The following HSPD1 variants were observed in gnomAD, a reference collection of about 807,000 sequenced individuals.
HSPD1 encodes the protein 60 kDa heat shock protein, mitochondrial.
HSPD1 carries 3 observed loss-of-function variants against 53.0 expected under a neutral mutation model. That is an observed-to-expected ratio of 0.06 (90% CI 0.03 to 0.15). HSPD1 has a LOEUF of 0.15. HSPD1 is among the 10% of genes least tolerant of loss of function. HSPD1 has a pLI of 1.00. For missense variants in HSPD1, 431 were observed against 694.1 expected (o/e 0.62, Z 4.26); for synonymous variants, 200 against 228.0 (o/e 0.88, Z 1.10).
chr2:197,487,878 CT>C lies in HSPD1; in HGVS notation c.1548del (p.Gly517GlufsTer9). Reference protein sequence around the residue: ...MAGDFVNMVEKGIIDPTKVVR... With the variant: ...MAGDFVNMVEXGIIDPTKVVR... ...TTTACCTTTGTTGGGTCAATGATTC[CT>C]TTTTCCACCATATTCACAAAATCTC... On this transcript the variant is annotated frameshift_variant, in exon 11 of 12. Transcript: ENST00000388968. LOFTEE classifies it high-confidence loss of function. 1 of 1,613,582 alleles carries C rather than the reference CT, an allele frequency of 6.2e-7. No homozygotes were observed. The highest frequency in any genetic ancestry group is 8.5e-7 in the Non-Finnish European group (1 of 1,179,598).
At chr2:197,491,309 C>T (rs1197925464) in intron 7 of HSPD1, among the ~76,000 whole-genome samples, 5 of 151,536 alleles carry the variant, frequency 3.3e-5, no homozygotes, top group South Asian at 4.2e-4. Context: ...TGCCTCAGCC[C>T]GCCACCACGC....
intron 7 of HSPD1, 43 bp from the exon 8 acceptor site, chr2:197,490,339 T>C: frequency 7.0e-7 from 1 of 1,426,566 alleles, no homozygotes; most frequent in Non-Finnish European, 9.9e-7. Flanking sequence ...GAAATAAAAA[T>C]GCCTATCTGT....
At chr2:197,496,869 C>A in intron 3 of HSPD1, 1 of 450,518 alleles carries the variant, frequency 2.2e-6, no homozygotes, top group Non-Finnish European at 4.1e-6. Flanking sequence ...CCAGGAGTTC[C>A]AGTGCAGTCC....
intron 1 of HSPD1, chr2:197,499,208 A>G: frequency 2.7e-6 from 1 of 376,948 alleles, no homozygotes; most frequent in Middle Eastern, 8.8e-4. Flanking sequence ...TCAGCCGGAG[A>G]GAGGCAAGTT....
At position 197,498,974 on chromosome 2, in the gene HSPD1, A is replaced by T. The variant is rs2086199155; in HGVS notation, c.-2-124T>A. On this transcript the variant is annotated intron_variant, in intron 1 of 11. Transcript: ENST00000388968. Reference sequence around the variant, plus strand: ...TGAGCCTGGCTGACCTCCGCCAGCCACTACGCCTGAATGACGGAAGGCGCC... The same window carrying T: ...TGAGCCTGGCTGACCTCCGCCAGCCTCTACGCCTGAATGACGGAAGGCGCC... The T allele has an allele frequency of 8.0e-6, 7 of 872,926 alleles. No individual in the cohort carries two copies. The South Asian group carries it at 1.0e-4, about 12-fold the overall frequency. The allele number at this position is 872,926 out of a possible 1,614,324, so 54.1% of individuals were successfully genotyped here.
Position 197,490,209 on chromosome 2 carries a change from A to C in HSPD1, c.957T>G (p.Ala319=). The C allele has an allele frequency of 6.2e-7, 1 of 1,609,450 alleles. No homozygotes were observed. Among genetic ancestry groups the C allele is most frequent in the Non-Finnish European group, 8.5e-7 (1 of 1,175,902 alleles). The change falls in exon 8 of 12, where the codon GCT becomes GCG. Residue 319 remains alanine, a synonymous_variant. Coordinates refer to ENST00000388968, the MANE Select transcript of HSPD1 (RefSeq NM_002156.5). ...TTATTTTACTTACTGCACCACCAGT[A>C]GCAATAGCCATATCTTTAAGCTGGT... ...RKNQLKDMAI[A]TGGAVFGEEG...
Position 197,493,424 on chromosome 2 carries a change from T to G in HSPD1, c.769A>C (p.Ile257Leu). Residue 257 changes from isoleucine (I) to leucine (L), a missense_variant, in exon 7 of 12, where the codon ATT becomes CTT. By Grantham distance (5) the Ile-to-Leu change is conservative. Around this residue, in one of 2 missense-constraint regions of HSPD1, gnomAD observed 386 missense variants for 657.6 expected, o/e 0.59. Coordinates refer to ENST00000388968, the MANE Select transcript of HSPD1 (RefSeq NM_002156.5). ...SEKKISSIQS[I>L]VPALEIANAH... ...TTGGCAATTTCAAGAGCAGGTACAA[T>G]GGACTGGATACTAGAAATTTTCTTT... 6.2e-7 allele frequency: 1 copy of G among 1,613,126 alleles called. No individual in the cohort carries two copies. Among genetic ancestry groups the G allele is most frequent in the South Asian group, 1.1e-5 (1 of 91,060 alleles).
intron 4 of HSPD1, 109 bp from the exon 5 acceptor site, chr2:197,494,861 G>A: frequency 1.3e-6 from 1 of 765,346 alleles, no homozygotes; most frequent in South Asian, 1.4e-5. Flanking sequence ...ATCCAGGGGA[G>A]AGAAGGGGAA....
chr2:197,499,007 C>T, intron 1 of HSPD1, 157 bp from the exon 2 acceptor site: 1 of 739,246 alleles, frequency 1.4e-6, no homozygotes, highest in Non-Finnish European at 2.4e-6. Flanking sequence ...GCCGCAGCTT[C>T]GGAACATCAG....
At chr2:197,494,570 G>T in intron 5 of HSPD1, 87 bp downstream of exon 5, 1 of 954,990 alleles carries the variant, frequency 1.0e-6, no homozygotes, top group Non-Finnish European at 1.7e-6. Context: ...TTTTCTGTTT[G>T]AAAAATTCAG....
intron 7 of HSPD1, among the ~76,000 whole-genome samples, chr2:197,491,166 TG>T (rs1177892036): frequency 5.9e-5 from 9 of 151,526 alleles, no homozygotes; most frequent in Non-Finnish European, 1.3e-4. Flanking sequence ...TGTTTTTTTC[TG>T]GCCTCAAGTC....
Position 197,497,120 on chromosome 2 carries a change from G to A in HSPD1, c.427+20C>T. 1 of 1,612,856 alleles carries A rather than the reference G, an allele frequency of 6.2e-7. No individual in the cohort carries two copies. Among genetic ancestry groups the A allele is most frequent in the Non-Finnish European group, 8.5e-7 (1 of 1,178,824 alleles). On this transcript the variant is annotated intron_variant, in intron 3 of 11. Coordinates refer to ENST00000388968, the MANE Select transcript of HSPD1 (RefSeq NM_002156.5). ...GCACACTGAAGTTTAGAACACTGTG[G>A]TGACAACAGACATTCCTACCTCTCC...
chr2:197,487,885 C>T lies in HSPD1; in HGVS notation c.1542G>A (p.Val514=), dbSNP rs774106420. Residue 514 remains valine (V), a synonymous_variant, in exon 11 of 12, where the codon GTG becomes GTA. Transcript: ENST00000388968. The stretch of plus-strand genomic sequence containing the variant: ...TTGTTGGGTCAATGATTCCTTTTTC[C>T]ACCATATTCACAAAATCTCCAGCCA... ...DAMAGDFVNM[V]EKGIIDPTKV... 4 of 1,613,520 alleles carry T rather than the reference C, an allele frequency of 2.5e-6. No homozygotes were observed. The highest frequency in any genetic ancestry group is 3.4e-6 in the Non-Finnish European group (4 of 1,179,682).
intron 1 of HSPD1, 140 bp from the exon 2 acceptor site, chr2:197,498,990 G>T (rs2086199553): frequency 2.5e-6 from 2 of 796,436 alleles, no homozygotes; most frequent in Middle Eastern, 2.4e-4. Context: ...CCTGAATGAC[G>T]GAAGGCGCCG....
chr2:197,490,237 T>C lies in HSPD1; in HGVS notation c.929A>G (p.Lys310Arg), dbSNP rs886387123. Reference protein sequence around the residue: ...VKAPGFGDNRKNQLKDMAIAT... With the variant: ...VKAPGFGDNRRNQLKDMAIAT... ...AATAGCCATATCTTTAAGCTGGTTC[T>C]TTCTATTGTCACCAAACCCTGGAGC... is the stretch of plus-strand genomic sequence containing the variant. Residue 310 changes from lysine to arginine, a missense_variant, in exon 8 of 12, where the codon AAG (lysine) becomes AGG (arginine). Lys to Arg is a conservative substitution (Grantham distance 26). Transcript: ENST00000388968. The C allele has an allele frequency of 1.1e-5, 17 of 1,613,952 alleles. No homozygotes were observed. Among genetic ancestry groups the C allele is most frequent in the Non-Finnish European group, 1.4e-5 (17 of 1,179,968 alleles).
In HSPD1 at chr2:197,494,646, AAC is replaced by A. The variant is rs767207534; in HGVS notation, c.606+9_606+10del. ...ACTCAAAATTATCTTTAAAAATACAAACACACTTGCCTTTACTGTGATGACAC... is the reference window on the plus strand; with the variant it reads ...ACTCAAAATTATCTTTAAAAATACAAACACTTGCCTTTACTGTGATGACAC... On this transcript the variant is annotated intron_variant, in intron 5 of 11. Coordinates refer to ENST00000388968, the MANE Select transcript of HSPD1 (RefSeq NM_002156.5). The A allele has an allele frequency of 2.6e-6, 4 of 1,523,796 alleles. No individual in the cohort carries two copies. Among genetic ancestry groups the A allele is most frequent in the Non-Finnish European group, 2.7e-6 (3 of 1,097,950 alleles). 94.4% of individuals were successfully genotyped at this position (1,523,796 alleles called of 1,614,324 possible). A position where few individuals can be genotyped will look rare whatever the true frequency, so the allele number is the denominator to read the frequency against.
intron 7 of HSPD1, among the ~76,000 whole-genome samples, chr2:197,492,767 T>C (rs1209197872): frequency 1.3e-5 from 2 of 151,362 alleles, no homozygotes; most frequent in Non-Finnish European, 2.9e-5. Flanking sequence ...ATCCCAGCAC[T>C]TTGGGAGGCT....
At chr2:197,489,686 G>A (rs1394860332) in intron 8 of HSPD1, among the ~76,000 whole-genome samples, 3 of 151,862 alleles carry the variant, frequency 2.0e-5, no homozygotes, top group Non-Finnish European at 4.4e-5. Context: ...AGTGAGACCC[G>A]TCATTACTAA....
At chr2:197,498,306 TAAGG>T (rs1306058641) in intron 2 of HSPD1, among the ~76,000 whole-genome samples, 1 of 152,204 alleles carries the variant, frequency 6.6e-6, no homozygotes, top group Non-Finnish European at 1.5e-5. Context: ...AGCACATACC[TAAGG>T]AATTATGGAA....
Sources: gnomAD v4.1 joint callset for allele counts (sites outside exome capture counted in the v4.1 genomes callset) on GRCh38, gnomAD v4.1.1 for gene constraint, gnomAD v4.1.1 regional missense constraint, MANE v1.5 for transcripts, NCBI Gene and HGNC (gene_info 2026-07-23, HGNC 2026-07-21) for gene names.